Variants in AK8 observed in about 807,000 individuals in gnomAD.
AK8 encodes adenylate kinase 8.
AK8 carries 44 observed loss-of-function variants against 54.6 expected under a neutral mutation model. The ratio of observed to expected loss-of-function variants is 0.81; its 90% confidence interval spans 0.63 to 1.04. AK8 has a LOEUF of 1.04. Among genes scored for constraint, AK8 ranks in the 50% least tolerant of loss-of-function variants. The pLI is 0.00. For missense variants in AK8, 555 were observed against 613.6 expected, an observed-to-expected ratio of 0.90 and a Z score of 1.01; for synonymous variants, 239 against 245.6, an observed-to-expected ratio of 0.97 and a Z score of 0.25.
chr9:132,833,313 T>C (rs1842181902), intron 5 of AK8, among the ~76,000 whole-genome samples: 1 of 152,152 alleles, frequency 6.6e-6, no homozygotes, highest in African/African-American at 2.4e-5. Flanking sequence ...GGCTACAAAT[T>C]CTGGCAAAGC....
chr9:132,827,826 T>C (rs961278851), intron 7 of AK8, 187 bp downstream of exon 7: 9 of 590,942 alleles, frequency 1.5e-5, no homozygotes, highest in African/African-American at 1.5e-4. Context: ...CAGGCCTCCA[T>C]TTCCTCATCT....
At chr9:132,756,569 GCTGCC>G in intron 11 of AK8, among the ~76,000 whole-genome samples, 1 of 152,204 alleles carries the variant, frequency 6.6e-6, no homozygotes, top group South Asian at 2.1e-4. Flanking sequence ...GAGGCGATCA[GCTGCC>G]GGGGGCCACA....
rs746083527 is a variant in AK8, at chr9:132,814,977, G to A, written c.890-250C>T. 5.3e-4 allele frequency among the ~76,000 whole-genome samples: 81 copies of A among 152,228 alleles called. 1 individual carries two copies. Among genetic ancestry groups the A allele is most frequent in the Non-Finnish European group, 1.5e-4 (10 of 68,032 alleles). On this transcript the variant is annotated intron_variant, in intron 9 of 12. Coordinates refer to ENST00000298545, the MANE Select transcript of AK8 (RefSeq NM_152572.3). ...GGCAAAGAACACATTAAAAATGGAC[G>A]GCGTGGGGAAGACACTAACGAGGAT... is the stretch of plus-strand genomic sequence containing the variant.
In AK8 at chr9:132,826,811, C is replaced by A; in HGVS notation, c.757+43G>T. On this transcript the variant is annotated intron_variant, in intron 8 of 12. Coordinates refer to ENST00000298545, the MANE Select transcript of AK8 (RefSeq NM_152572.3). The surrounding 1 kb of genome is among the most constrained non-coding windows in gnomAD (Gnocchi z 4.5). The stretch of plus-strand genomic sequence containing the variant: ...TGGTAGAAGGCACAGCGAGCCCCGC[C>A]CTTGGCCGTCTGTCCAGGGTGGGGC... 1 of 1,597,672 alleles carries A rather than the reference C, an allele frequency of 6.3e-7. No individual in the cohort carries two copies. Among genetic ancestry groups the A allele is most frequent in the South Asian group, 1.1e-5 (1 of 90,714 alleles).
At chr9:132,759,195 CAAAAA>C (rs11354456) in intron 11 of AK8, among the ~76,000 whole-genome samples, 1 of 82,774 alleles carries the variant, frequency 1.2e-5, no homozygotes. Context: ...GACCTGGTCT[CAAAAA>C]AAAAAAAAAA....
chr9:132,727,380 T>C, intron 12 of AK8, 74 bp downstream of exon 12: 2 of 1,364,340 alleles, frequency 1.5e-6, no homozygotes, highest in Admixed American at 1.7e-5. Context: ...GTTTCCACCA[T>C]GGCATTGGTC....
At chr9:132,793,588 A>C (rs921411219) in intron 10 of AK8, among the ~76,000 whole-genome samples, 3 of 152,216 alleles carry the variant, frequency 2.0e-5, no homozygotes, top group Non-Finnish European at 2.9e-5. Flanking sequence ...CTCTCCCAAG[A>C]ATCACAGAAC....
At chr9:132,734,473 C>T (rs1326293478) in intron 11 of AK8, among the ~76,000 whole-genome samples, 5 of 152,172 alleles carry the variant, frequency 3.3e-5, no homozygotes, top group East Asian at 3.9e-4. Flanking sequence ...ATGGTACTCA[C>T]GCCTGTAACC....
chr9:132,857,132 A>G (rs1299654635), intron 4 of AK8, among the ~76,000 whole-genome samples: 1 of 152,002 alleles, frequency 6.6e-6, no homozygotes, highest in Non-Finnish European at 1.5e-5. Flanking sequence ...TCCTTATCCT[A>G]CCGCCCCCTT....
chr9:132,820,541 C>A (rs1841539926), intron 9 of AK8, among the ~76,000 whole-genome samples: 1 of 152,236 alleles, frequency 6.6e-6, no homozygotes, highest in Admixed American at 6.5e-5. Context: ...TCTGCCACAT[C>A]TCTCCTTACA....
At chr9:132,730,109 T>C (rs777098805) in intron 11 of AK8, among the ~76,000 whole-genome samples, 3 of 152,208 alleles carry the variant, frequency 2.0e-5, no homozygotes, top group African/African-American at 4.8e-5. Flanking sequence ...GAGGGGCCTA[T>C]GGGTGCCAAG....
intron 3 of AK8, among the ~76,000 whole-genome samples, chr9:132,864,159 C>CTTT (rs927573869): frequency 6.7e-6 from 1 of 149,926 alleles, no homozygotes; most frequent in Non-Finnish European, 1.5e-5. Flanking sequence ...ACTCAGTGTT[C>CTTT]TTTTTTTTTT....
chr9:132,818,461 C>T (rs895062435), intron 9 of AK8, among the ~76,000 whole-genome samples: 11 of 152,184 alleles, frequency 7.2e-5, no homozygotes, highest in Admixed American at 5.2e-4. Flanking sequence ...TCTACTGCTG[C>T]GAGGCTCTGA....
intron 10 of AK8, among the ~76,000 whole-genome samples, chr9:132,812,324 C>T (rs1014843259): frequency 2.7e-5 from 4 of 150,838 alleles, no homozygotes; most frequent in African/African-American, 7.3e-5. Context: ...TCTGCCTCCC[C>T]GGTTCAAGCG....
chr9:132,789,745 T>TG (rs34388827), intron 11 of AK8, among the ~76,000 whole-genome samples: 1 of 152,154 alleles, frequency 6.6e-6, no homozygotes, highest in African/African-American at 2.4e-5. Context: ...AGTTCTCACC[T>TG]GGGGCTCACT....
intron 5 of AK8, among the ~76,000 whole-genome samples, chr9:132,845,248 TACTC>T (rs948027330): frequency 1.3e-5 from 2 of 152,232 alleles, no homozygotes; most frequent in South Asian, 4.1e-4. Flanking sequence ...ACATTATAAA[TACTC>T]AGTCAATATA....
chr9:132,839,130 G>A (rs976552440), intron 5 of AK8, among the ~76,000 whole-genome samples: 1 of 152,066 alleles, frequency 6.6e-6, no homozygotes, highest in African/African-American at 2.4e-5. Context: ...TTTTACTAGA[G>A]ATGAGGTTTC....
At chr9:132,827,720 C>T (rs1841933279) in intron 7 of AK8, 1 of 431,326 alleles carries the variant, frequency 2.3e-6, no homozygotes, top group African/African-American at 2.0e-5. Context: ...GACATGTCCC[C>T]TGGCTCCTGT....
rs912448317 is a variant in AK8 at position 132,860,089 on chromosome 9, G to A, written c.333+3576C>T. 2.0e-5 allele frequency among the ~76,000 whole-genome samples: 3 copies of A among 152,056 alleles called. No individual in the cohort carries two copies. Among genetic ancestry groups the A allele is most frequent in the Non-Finnish European group, 2.9e-5 (2 of 67,998 alleles). ...ACAAAATCACTCAGGGGAGCCAGTC[G>A]CCAGCCAATGACCTTGGCTGGTGTC... is the stretch of plus-strand genomic sequence containing the variant. On this transcript the variant is annotated intron_variant, in intron 4 of 12. Coordinates refer to ENST00000298545, the MANE Select transcript of AK8 (RefSeq NM_152572.3). The surrounding 1 kb of genome is among the most constrained non-coding windows in gnomAD (Gnocchi z 4.4).
Sources: allele counts gnomAD v4.1 joint callset (sites outside exome capture counted in the v4.1 genomes callset), GRCh38; gene constraint gnomAD v4.1.1; non-coding constraint Gnocchi (gnomAD v3.1); transcripts MANE v1.5; gene names NCBI Gene and HGNC (gene_info 2026-07-23, HGNC 2026-07-21).